MRC1: variants seen among roughly 807,000 people sequenced by gnomAD.
The protein encoded by MRC1 is macrophage mannose receptor 1.
MRC1 carries 62 observed loss-of-function variants against 102.9 expected under a neutral mutation model. The ratio of observed to expected loss-of-function variants is 0.60; its 90% CI spans 0.49 to 0.74. The LOEUF is 0.74. MRC1 is among the 30% of genes least tolerant of loss of function. MRC1 has a pLI of 0.00. For synonymous variants in MRC1, 457 were observed against 298.4 expected (o/e 1.53, Z -5.48); for missense variants, 1,237 against 862.8 (o/e 1.43, Z -5.43).
rs1044001329 is a variant in MRC1 at position 17,891,729 on chromosome 10, A to T, written c.3148-2481A>T. ...TGTGTTTGCTGTTTGCTGTCACTTT[A>T]GGTGTCAGAGGTTAAAATCTCTGGT... On this transcript the variant is annotated intron_variant, in intron 22 of 29. Transcript: ENST00000569591. Among the ~76,000 whole-genome samples the T allele has an allele frequency of 3.9e-5, 6 of 152,234 alleles. 1 individual carries two copies. The East Asian group carries it at 1.2e-3, about 29-fold the overall frequency.
rs939715486 is a variant in MRC1, at chr10:17,910,296, C to T, written c.4202C>T (p.Thr1401Met). 1.9e-5 allele frequency: 15 copies of T among 780,690 alleles called. 1 individual carries two copies. The highest frequency in any genetic ancestry group is 4.0e-5 in the South Asian group (3 of 74,618). 48.4% of individuals were successfully genotyped at this position (780,690 alleles called of 1,614,324 possible). ...VVIIVILLIL[T>M]GAGLAAYFFY... ...ATCATTGTGATCCTCCTGATTTTAA[C>T]GGGTGCTGGCCTTGCCGCCTATTTC... The change falls in exon 30 of 30, where the codon ACG becomes ATG. Residue 1401 changes from threonine to methionine, a missense_variant. Transcript: ENST00000569591.
chr10:17,813,700 A>T (rs868926153), intron 1 of MRC1, among the ~76,000 whole-genome samples: 2,553 of 125,646 alleles, frequency 0.02, 96 homozygotes, highest in African/African-American at 0.075. Flanking sequence ...ATATATATAT[A>T]TTTTTTTTTT....
rs782616938 is a variant in MRC1, at chr10:17,827,372, C to CAAAAAAAAAAAAAAAAAAAAAAAAAA, written c.464-157_464-132dup. Among the ~76,000 whole-genome samples, 4 of 64,052 alleles carry CAAAAAAAAAAAAAAAAAAAAAAAAAA rather than the reference C, an allele frequency of 6.2e-5. 1 individual carries two copies. Among genetic ancestry groups the CAAAAAAAAAAAAAAAAAAAAAAAAAA allele is most frequent in the Admixed American group, 2.0e-4 (1 of 4,968 alleles). The allele number at this position is 64,052 out of a possible 152,430, so 42.0% of individuals were successfully genotyped here. ...TAGAAGGAGAAGGAAAAAAAATACC[C>CAAAAAAAAAAAAAAAAAAAAAAAAAA]AAAAAAAAAAAAAAAAAAAAAAAAA... On this transcript the variant is annotated intron_variant, in intron 2 of 29. Coordinates refer to ENST00000569591, the MANE Select transcript of MRC1 (RefSeq NM_002438.4).
At chr10:17,880,729 T>C (rs1833501929) in intron 20 of MRC1, 59 bp downstream of exon 20, 2 of 778,004 alleles carry the variant, frequency 2.6e-6, no homozygotes, top group African/African-American at 1.7e-5. Context: ...GATGCAAATC[T>C]TTCAGCTCAA....
rs1833594464 is a variant in MRC1 at position 17,886,344 on chromosome 10, T to TCTC, written c.3147+909_3147+910insCTC. Among the ~76,000 whole-genome samples, 285 of 147,804 alleles carry TCTC rather than the reference T, an allele frequency of 1.9e-3. 1 individual carries two copies. Among genetic ancestry groups the TCTC allele is most frequent in the African/African-American group, 6.4e-3 (251 of 39,286 alleles). On this transcript the variant is annotated intron_variant, in intron 22 of 29. Transcript: ENST00000569591. ...CCTTCCTTCCTTCCTTCCTTCTTCT[T>TCTC]TCCCTCCCTCCCTCTCCCTCTCCCT...
rs897869898 is a variant in MRC1 at position 17,841,674 on chromosome 10, G to A, written c.916+868G>A. Among the ~76,000 whole-genome samples the A allele has an allele frequency of 7.3e-4, 111 of 151,120 alleles. 1 individual carries two copies. The highest frequency in any genetic ancestry group is 2.4e-3 in the African/African-American group (101 of 41,252). On this transcript the variant is annotated intron_variant, in intron 5 of 29. Coordinates refer to ENST00000569591, the MANE Select transcript of MRC1 (RefSeq NM_002438.4). ...TATTCACCAGTACCAACTGGCGTTAGTAGCCACTTGAGGCCTTCTATTGGG... is the reference window on the plus strand; with the variant it reads ...TATTCACCAGTACCAACTGGCGTTAATAGCCACTTGAGGCCTTCTATTGGG...
Position 17,859,551 on chromosome 10 carries a change from C to G in MRC1, c.1519-1836C>G, listed in dbSNP as rs999860393. On this transcript the variant is annotated intron_variant, in intron 9 of 29. Transcript: ENST00000569591. ...CAAGGTGGTCTTGAACTCCTGACCT[C>G]AAGTGACCCACCTGCTTCGTCCTTC... Among the ~76,000 whole-genome samples, 75 of 152,274 alleles carry G rather than the reference C, an allele frequency of 4.9e-4. 1 individual carries two copies. Among genetic ancestry groups the G allele is most frequent in the African/African-American group, 1.8e-3 (75 of 41,550 alleles).
chr10:17,840,501 C>T (rs922211249), intron 4 of MRC1, among the ~76,000 whole-genome samples, 192 bp from the exon 5 acceptor site: 1 of 152,124 alleles, frequency 6.6e-6, no homozygotes, highest in Non-Finnish European at 1.5e-5. Flanking sequence ...CTCCGTTTCC[C>T]CACCTATCAG....
chr10:17,815,620 A>T (rs900108711), intron 1 of MRC1, among the ~76,000 whole-genome samples: 5 of 152,034 alleles, frequency 3.3e-5, no homozygotes, highest in Non-Finnish European at 5.9e-5. Flanking sequence ...AGGTGGTAGG[A>T]GGGAAGTTGG....
intron 6 of MRC1, among the ~76,000 whole-genome samples, chr10:17,847,630 C>T (rs1673001282): frequency 6.6e-6 from 1 of 152,250 alleles, no homozygotes; most frequent in Non-Finnish European, 1.5e-5. Context: ...CCATAATCCT[C>T]AGGTCTCTAG....
intron 29 of MRC1, among the ~76,000 whole-genome samples, 161 bp from the exon 30 acceptor site, chr10:17,910,054 A>G (rs1022964638): frequency 6.6e-6 from 1 of 152,240 alleles, no homozygotes; most frequent in Non-Finnish European, 1.5e-5. Flanking sequence ...ATAATCCTCT[A>G]TACCACAGGG....
In MRC1 at chr10:17,872,060, C is replaced by T; in HGVS notation, c.2278C>T (p.Pro760Ser). The change falls in exon 15 of 30, where the codon CCT (proline) becomes TCT (serine). Residue 760 changes from proline (P) to serine (S), a missense_variant. Pro to Ser is a moderately conservative substitution (Grantham distance 74). Coordinates refer to ENST00000569591, the MANE Select transcript of MRC1 (RefSeq NM_002438.4). Reference sequence around the variant, plus strand: ...ATACTGTGGTGAGCTGAAAGGTGACCCTACTATGTCTTGGAATGATATTAA... The same window carrying T: ...ATACTGTGGTGAGCTGAAAGGTGACTCTACTATGTCTTGGAATGATATTAA... The part of the protein sequence containing the change: ...VEYCGELKGD[P>S]TMSWNDINCE... The T allele has an allele frequency of 1.3e-6, 1 of 780,512 alleles. No individual in the cohort carries two copies. Among genetic ancestry groups the T allele is most frequent in the South Asian group, 1.3e-5 (1 of 74,592 alleles). The allele number at this position is 780,512 out of a possible 1,614,324, so 48.3% of individuals were successfully genotyped here.
chr10:17,872,081 A>T lies in MRC1; in HGVS notation c.2299A>T (p.Ile767Phe). The change falls in exon 15 of 30, where the codon ATT (isoleucine) becomes TTT (phenylalanine). Residue 767 changes from isoleucine to phenylalanine, a missense_variant. By Grantham distance (21) the Ile-to-Phe change is conservative. Transcript: ENST00000569591. ...KGDPTMSWND[I>F]NCEHLNNWIC... is the part of the protein sequence containing the mutation. ...TGACCCTACTATGTCTTGGAATGAT[A>T]TTAATTGTGAACACCTTAACAACTG... is the stretch of plus-strand genomic sequence containing the variant. The T allele has an allele frequency of 2.6e-6, 2 of 780,694 alleles. No homozygotes were observed. Among genetic ancestry groups the T allele is most frequent in the East Asian group, 2.4e-5 (1 of 41,242 alleles). The allele number at this position is 780,694 out of a possible 1,614,324, so 48.4% of individuals were successfully genotyped here.
chr10:17,809,674 G>T, intron 1 of MRC1, 148 bp downstream of exon 1: 1 of 741,370 alleles, frequency 1.3e-6, no homozygotes, highest in Non-Finnish European at 2.5e-6. Context: ...GGCTAAGCCT[G>T]CTGCCTTCAC....
intron 8 of MRC1, among the ~76,000 whole-genome samples, chr10:17,853,498 T>A (rs1833018798): frequency 6.6e-6 from 1 of 152,070 alleles, no homozygotes; most frequent in South Asian, 2.1e-4. Flanking sequence ...TATATATGAT[T>A]ATGCATGTAT....
chr10:17,844,482 A>C (rs1838796540), intron 5 of MRC1, among the ~76,000 whole-genome samples: 1 of 152,100 alleles, frequency 6.6e-6, no homozygotes, highest in African/African-American at 2.4e-5. Context: ...AGCCTCCCAA[A>C]GTGCTGGGAT....
At chr10:17,902,566 A>G (rs2586698) in intron 26 of MRC1, among the ~76,000 whole-genome samples, 111,099 of 152,088 alleles carry the variant, frequency 0.73, 41,089 homozygotes, top group African/African-American at 0.84. Flanking sequence ...TGATTTTTCC[A>G]CCTGAAGTGA....
At chr10:17,853,530 C>T (rs1362664880) in intron 8 of MRC1, among the ~76,000 whole-genome samples, 1 of 149,974 alleles carries the variant, frequency 6.7e-6, no homozygotes, top group African/African-American at 2.5e-5. Context: ...TATTATAAGC[C>T]ATATATATGA....
In MRC1 at chr10:17,881,163, C is replaced by T; in HGVS notation, c.2962C>T (p.Gln988Ter). Residue 988 changes from glutamine to a stop codon, truncating the protein, a stop_gained, in exon 21 of 30, where the codon CAA (glutamine) becomes TAA (stop). Transcript: ENST00000569591. LOFTEE classifies it high-confidence loss of function. ...CTTTGGAGGGAATCTGGTCTCCATA[C>T]AAAATGAAAAAGAGCAAGGTAGGCA... Reference protein sequence around the residue: ...IGFGGNLVSIQNEKEQAFLTY... With the variant: ...IGFGGNLVSI The T allele has an allele frequency of 2.6e-6, 2 of 780,264 alleles. No homozygotes were observed. Among genetic ancestry groups the T allele is most frequent in the South Asian group, 1.3e-5 (1 of 74,442 alleles). The allele number at this position is 780,264 out of a possible 1,614,324, so 48.3% of individuals were successfully genotyped here.
Sources: allele counts gnomAD v4.1 joint callset (sites outside exome capture counted in the v4.1 genomes callset), GRCh38; gene constraint gnomAD v4.1.1; transcripts MANE v1.5; gene names NCBI Gene and HGNC (gene_info 2026-07-23, HGNC 2026-07-21).